Variants in OXCT1 observed in about 807,000 individuals in gnomAD.
The protein encoded by OXCT1 is 3-oxoacid CoA-transferase 1.
In OXCT1, 27 loss-of-function variants were observed where a neutral mutation model predicts 69.6. That is an observed-to-expected ratio of 0.39 (90% CI 0.29 to 0.54). The LOEUF (loss-of-function observed/expected upper bound fraction) is 0.54, where lower values mean the gene tolerates loss of function less well. Among genes scored for constraint, OXCT1 ranks in the 20% least tolerant of loss-of-function variants. The pLI, the probability that OXCT1 is intolerant of heterozygous loss-of-function variation, is 0.72. For synonymous variants in OXCT1, 202 were observed against 217.8 expected (o/e 0.93, Z 0.64); for missense variants, 437 against 650.2 (o/e 0.67, Z 3.57).
chr5:41,850,361 C>T (rs1197371077), intron 4 of OXCT1, among the ~76,000 whole-genome samples, 182 bp from the exon 5 acceptor site: 6 of 152,062 alleles, frequency 3.9e-5, no homozygotes, highest in African/African-American at 1.4e-4. Context: ...AGTTACTGCC[C>T]CTCTAGAACC....
chr5:41,805,423 T>TAA (rs878997637), intron 9 of OXCT1, 144 bp downstream of exon 9: 1,812 of 567,212 alleles, frequency 3.2e-3, no homozygotes, highest in South Asian at 4.2e-3. Context: ...CCACATTTTG[T>TAA]AAAAAAAAAA....
intron 7 of OXCT1, among the ~76,000 whole-genome samples, chr5:41,835,148 T>C (rs1748289523): frequency 6.6e-6 from 1 of 152,072 alleles, no homozygotes; most frequent in African/African-American, 2.4e-5. Flanking sequence ...AAGGGGACAT[T>C]AAAACTCATA....
chr5:41,870,098 C>CA lies in OXCT1; in HGVS notation c.78+182dup, dbSNP rs1750215129. 1 of 661,858 alleles carries CA rather than the reference C, an allele frequency of 1.5e-6. No homozygotes were observed. Among genetic ancestry groups the CA allele is most frequent in the Admixed American group, 2.2e-5 (1 of 45,622 alleles). The allele number at this position is 661,858 out of a possible 1,614,324, so 41.0% of individuals were successfully genotyped here. A position where few individuals can be genotyped will look rare whatever the true frequency, so the allele number is the denominator to read the frequency against. ...GACTGCAGAACCAAGCAAAGGCGGTCATCCGAGGGGCCGGCGAGGCCAGGA... is the reference window on the plus strand; with the variant it reads ...GACTGCAGAACCAAGCAAAGGCGGTCAATCCGAGGGGCCGGCGAGGCCAGGA... On this transcript the variant is annotated intron_variant, in intron 1 of 16. Transcript: ENST00000196371. This position sits in a 1 kb window ranked among gnomAD's most constrained non-coding sequence, Gnocchi z 4.2.
intron 15 of OXCT1, among the ~76,000 whole-genome samples, chr5:41,746,762 C>T (rs755739048): frequency 2.6e-5 from 4 of 152,034 alleles, no homozygotes; most frequent in African/African-American, 9.7e-5. Context: ...TGAGGCTGTC[C>T]AAACTGAACC....
At chr5:41,813,179 C>T (rs1159109060) in intron 7 of OXCT1, among the ~76,000 whole-genome samples, 1 of 151,986 alleles carries the variant, frequency 6.6e-6, no homozygotes, top group Non-Finnish European at 1.5e-5. Context: ...ATAGACATAG[C>T]AGGAAAATGT....
chr5:41,850,069 G>A lies in OXCT1; in HGVS notation c.525C>T (p.Asn175=). The change falls in exon 5 of 17, where the codon AAC becomes AAT. Residue 175 remains asparagine (N), a synonymous_variant. Coordinates refer to ENST00000196371, the MANE Select transcript of OXCT1 (RefSeq NM_000436.4). ...TGGCAATGGCAACACTGCCATCTTT[G>A]TTGTATTTGATGGGCGATCCTCCTT... is the stretch of plus-strand genomic sequence containing the variant. ...VQEGGSPIKY[N]KDGSVAIASK... The A allele has an allele frequency of 1.2e-6, 2 of 1,613,914 alleles. No homozygotes were observed. Among genetic ancestry groups the A allele is most frequent in the Non-Finnish European group, 1.7e-6 (2 of 1,179,874 alleles).
At chr5:41,749,431 C>T in intron 15 of OXCT1, 96 bp downstream of exon 15, 1 of 732,374 alleles carries the variant, frequency 1.4e-6, no homozygotes. Flanking sequence ...CTAAATTAAT[C>T]CTATGACTAC....
At chr5:41,847,157 C>T (rs1363183664) in intron 5 of OXCT1, among the ~76,000 whole-genome samples, 65 of 151,586 alleles carry the variant, frequency 4.3e-4, no homozygotes, top group African/African-American at 1.2e-3. Flanking sequence ...AACACCTCTA[C>T]GCAAATAAAC....
chr5:41,755,001 A>G (rs1335905957), intron 14 of OXCT1, among the ~76,000 whole-genome samples: 1 of 152,006 alleles, frequency 6.6e-6, no homozygotes, highest in Non-Finnish European at 1.5e-5. Flanking sequence ...TATCATAGAC[A>G]TACTTATTTT....
intron 15 of OXCT1, among the ~76,000 whole-genome samples, chr5:41,739,892 C>G (rs316760): frequency 0.39 from 57,657 of 146,930 alleles, 13,888 homozygotes; most frequent in African/African-American, 0.68. Flanking sequence ...AAAAAGGAAA[C>G]ACAAGACCCA....
At chr5:41,800,731 T>C (rs931734948) in intron 11 of OXCT1, among the ~76,000 whole-genome samples, 1 of 152,094 alleles carries the variant, frequency 6.6e-6, no homozygotes, top group Admixed American at 6.5e-5. Context: ...TTGTAAATTG[T>C]CCCTTCCTCT....
At position 41,847,149 on chromosome 5, in the gene OXCT1, C is replaced by A. The variant is rs570034763; in HGVS notation, c.564+2881G>T. ...AACTACCATCAGAGAATACTACAAACACCTCTACGCAAATAAACTAGAAAA... is the reference window on the plus strand; with the variant it reads ...AACTACCATCAGAGAATACTACAAAAACCTCTACGCAAATAAACTAGAAAA... On this transcript the variant is annotated intron_variant, in intron 5 of 16. Coordinates refer to ENST00000196371, the MANE Select transcript of OXCT1 (RefSeq NM_000436.4). 2.9e-3 allele frequency among the ~76,000 whole-genome samples: 442 copies of A among 151,968 alleles called. 2 individuals carry two copies. Among genetic ancestry groups the A allele is most frequent in the Non-Finnish European group, 4.0e-3 (275 of 67,954 alleles).
chr5:41,796,491 G>A (rs879474755), intron 11 of OXCT1, among the ~76,000 whole-genome samples: 2 of 152,188 alleles, frequency 1.3e-5, no homozygotes, highest in Non-Finnish European at 2.9e-5. Flanking sequence ...CCCTAGCTGT[G>A]CAACACAGTT....
chr5:41,859,135 T>C (rs574901615), intron 3 of OXCT1, among the ~76,000 whole-genome samples: 25 of 152,358 alleles, frequency 1.6e-4, no homozygotes, highest in African/African-American at 6.0e-4. Context: ...TACTCTCCTG[T>C]TCTTCACTTA....
At chr5:41,815,046 A>C (rs553897005) in intron 7 of OXCT1, among the ~76,000 whole-genome samples, 18 of 151,972 alleles carry the variant, frequency 1.2e-4, no homozygotes, top group Non-Finnish European at 2.2e-4. Context: ...TGGATAAAAC[A>C]CTCTGAACTC....
intron 7 of OXCT1, among the ~76,000 whole-genome samples, chr5:41,829,992 T>C (rs929880234): frequency 6.6e-6 from 1 of 152,198 alleles, no homozygotes; most frequent in African/African-American, 2.4e-5. Flanking sequence ...TTCAGTATGC[T>C]TATGTTAGGA....
chr5:41,842,232 G>C (rs1420139432), intron 6 of OXCT1, among the ~76,000 whole-genome samples: 1 of 152,146 alleles, frequency 6.6e-6, no homozygotes, highest in Non-Finnish European at 1.5e-5. Context: ...TTTCCTAGAA[G>C]ACACCAAAAG....
intron 3 of OXCT1, among the ~76,000 whole-genome samples, chr5:41,859,864 A>AATATATATATATATAAT (rs1749634496): frequency 2.5e-5 from 3 of 120,130 alleles, no homozygotes; most frequent in African/African-American, 9.1e-5. Context: ...CTAGTATAGT[A>AATATATATATATATAAT]ATATATATAT....
chr5:41,756,268 T>C (rs532318624), intron 14 of OXCT1, among the ~76,000 whole-genome samples: 52 of 152,120 alleles, frequency 3.4e-4, no homozygotes, highest in Non-Finnish European at 5.7e-4. Flanking sequence ...CCTTTGTTTT[T>C]GTGGTCTGAA....
Sources: allele counts gnomAD v4.1 joint callset (sites outside exome capture counted in the v4.1 genomes callset), GRCh38; gene constraint gnomAD v4.1.1; non-coding constraint Gnocchi (gnomAD v3.1); transcripts MANE v1.5; gene names NCBI Gene and HGNC (gene_info 2026-07-23, HGNC 2026-07-21).